The following PRSS12 variants were observed in gnomAD, a reference collection of about 807,000 sequenced individuals.
The protein encoded by PRSS12 is neurotrypsin.
Under a neutral mutation model 104.4 loss-of-function variants are expected in PRSS12, and 85 were observed. The observed-to-expected ratio is 0.81, with a 90% CI of 0.68 to 0.98. The LOEUF (loss-of-function observed/expected upper bound fraction) is 0.98, where lower values mean the gene tolerates loss of function less well. Among genes scored for constraint, PRSS12 ranks in the 50% least tolerant of loss-of-function variants. PRSS12 has a pLI of 0.00. For synonymous variants in PRSS12, 454 were observed against 425.2 expected, an observed-to-expected ratio of 1.07 and a Z score of -0.83; for missense variants, 1,141 against 1,139.2, an observed-to-expected ratio of 1.00 and a Z score of -0.02.
At position 118,280,707 on chromosome 4, in the gene PRSS12, G is replaced by T; in HGVS notation, c.*1229C>A. 1 of 152,250 alleles carries T rather than the reference G, an allele frequency of 6.6e-6. No individual in the cohort carries two copies. The highest frequency in any genetic ancestry group is 1.5e-5 in the Non-Finnish European group (1 of 68,048). The allele number at this position is 152,250 out of a possible 1,614,324, so 9.4% of individuals were successfully genotyped here. The stretch of plus-strand genomic sequence containing the variant: ...TGAGCATTACTGCTAAGAATGTTCT[G>T]TAAAGGTGCATAGTTAAGCAGCTAT... On this transcript the variant is annotated 3_prime_UTR_variant, in exon 13 of 13. Coordinates refer to ENST00000296498, the MANE Select transcript of PRSS12 (RefSeq NM_003619.4).
At chr4:118,316,837 A>AAAAAAAAATATATATATATAT (rs35698159) in intron 5 of PRSS12, among the ~76,000 whole-genome samples, 1 of 99,194 alleles carries the variant, frequency 1.0e-5, no homozygotes, top group African/African-American at 3.5e-5. Context: ...AAAAAAAAAA[A>AAAAAAAAATATATATATATAT]ATATATATAT....
At position 118,280,382 on chromosome 4, in the gene PRSS12, C is replaced by T. The variant is rs1394841505; in HGVS notation, c.*1554G>A. 6.6e-6 allele frequency: 1 copy of T among 151,916 alleles called. No individual in the cohort carries two copies. The highest frequency in any genetic ancestry group is 1.5e-5 in the Non-Finnish European group (1 of 67,910). The allele number at this position is 151,916 out of a possible 1,614,324, so 9.4% of individuals were successfully genotyped here. A position where few individuals can be genotyped will look rare whatever the true frequency, so the allele number is the denominator to read the frequency against. ...TATAAACGCTACTTTAAAAGTTTAT[C>T]AAAATCATGAGTTTTTACAAAAGTT... On this transcript the variant is annotated 3_prime_UTR_variant, in exon 13 of 13. Transcript: ENST00000296498.
In PRSS12 at chr4:118,352,594, A is replaced by G. The variant is rs760028870; in HGVS notation, c.127T>C (p.Tyr43His). 1.2e-6 allele frequency: 2 copies of G among 1,604,592 alleles called. No homozygotes were observed. The highest frequency in any genetic ancestry group is 2.2e-5 in the South Asian group (2 of 89,390). ...HRHSPPAGPH[Y>H]PYYLPTQQRP... is the part of the protein sequence containing the mutation. The stretch of plus-strand genomic sequence containing the variant: ...TGCTGGGTGGGAAGGTAATAGGGGT[A>G]GTGCGGACCCGCAGGGGGCGAATGG... Residue 43 changes from tyrosine to histidine, a missense_variant, in exon 1 of 13, where the codon TAC becomes CAC. Coordinates refer to ENST00000296498, the MANE Select transcript of PRSS12 (RefSeq NM_003619.4).
intron 11 of PRSS12, among the ~76,000 whole-genome samples, chr4:118,293,200 T>C (rs1173683074): frequency 6.6e-6 from 1 of 151,884 alleles, no homozygotes; most frequent in East Asian, 1.9e-4. Context: ...AAGACTAGAA[T>C]ATTTAATAAA....
chr4:118,338,270 C>T lies in PRSS12; in HGVS notation c.547G>A (p.Val183Met). 6.2e-7 allele frequency: 1 copy of T among 1,614,076 alleles called. No homozygotes were observed. The highest frequency in any genetic ancestry group is 8.5e-7 in the Non-Finnish European group (1 of 1,179,964). The change falls in exon 2 of 13, where the codon GTG (valine) becomes ATG (methionine). Residue 183 changes from valine (V) to methionine (M), a missense_variant. By Grantham distance (21) the Val-to-Met change is conservative. Coordinates refer to ENST00000296498, the MANE Select transcript of PRSS12 (RefSeq NM_003619.4). ...RGGKNEFEGT[V>M]EVYASGVWGT... ...CAAACTCCACTTGCATATACTTCCACTGTGCCTTCAAACTCATTTTTGCCG... is the reference window on the plus strand; with the variant it reads ...CAAACTCCACTTGCATATACTTCCATTGTGCCTTCAAACTCATTTTTGCCG...
rs1394484461 is a variant in PRSS12, at chr4:118,298,821, A to T, written c.1749T>A (p.Asp583Glu). 2 of 1,614,178 alleles carry T rather than the reference A, an allele frequency of 1.2e-6. No homozygotes were observed. The highest frequency in any genetic ancestry group is 1.1e-5 in the South Asian group (1 of 91,086). ...TGTGGCGGCAGTTGTGTCTTCCAATATCTTGCTTGATACAGTCAGCCAAGG... is the reference window on the plus strand; with the variant it reads ...TGTGGCGGCAGTTGTGTCTTCCAATTTCTTGCTTGATACAGTCAGCCAAGG... ...ERSLADCIKQDIGRHNCRHSE... is the reference protein window; with the variant it reads ...ERSLADCIKQEIGRHNCRHSE... Residue 583 changes from aspartate (D) to glutamate (E), a missense_variant, in exon 9 of 13, where the codon GAT becomes GAA. Asp to Glu is a conservative substitution (Grantham distance 45). Transcript: ENST00000296498.
At chr4:118,329,151 A>C (rs1723858130) in intron 4 of PRSS12, among the ~76,000 whole-genome samples, 1 of 152,142 alleles carries the variant, frequency 6.6e-6, no homozygotes, top group African/African-American at 2.4e-5. Flanking sequence ...GCTAGTCTTC[A>C]ACCTATCCTC....
chr4:118,286,900 T>G (rs527349033), intron 11 of PRSS12, among the ~76,000 whole-genome samples: 1 of 152,206 alleles, frequency 6.6e-6, no homozygotes, highest in South Asian at 2.1e-4. Flanking sequence ...CTGGATGAAG[T>G]AAGCATCCTA....
chr4:118,347,098 A>T (rs950557557), intron 1 of PRSS12, among the ~76,000 whole-genome samples: 1 of 152,130 alleles, frequency 6.6e-6, no homozygotes, highest in Non-Finnish European at 1.5e-5. Flanking sequence ...AAATATGCAC[A>T]CTAGTTAAGA....
intron 1 of PRSS12, among the ~76,000 whole-genome samples, chr4:118,349,840 T>A (rs1168455914): frequency 6.6e-6 from 1 of 151,864 alleles, no homozygotes. Flanking sequence ...CCATCTCTAC[T>A]AAAAATACAA....
chr4:118,320,556 A>C (rs1007278407), intron 4 of PRSS12, among the ~76,000 whole-genome samples: 1 of 152,162 alleles, frequency 6.6e-6, no homozygotes, highest in African/African-American at 2.4e-5. Context: ...GTTTGAGATC[A>C]ACCTGGGCAA....
At chr4:118,349,450 TAA>T (rs1724438209) in intron 1 of PRSS12, among the ~76,000 whole-genome samples, 1 of 151,324 alleles carries the variant, frequency 6.6e-6, no homozygotes, top group Admixed American at 6.6e-5. Flanking sequence ...CTTTTAAGCA[TAA>T]GAGACTGTAA....
At chr4:118,346,977 G>A (rs566546036) in intron 1 of PRSS12, among the ~76,000 whole-genome samples, 246 of 150,292 alleles carry the variant, frequency 1.6e-3, no homozygotes, top group Non-Finnish European at 2.8e-3. Context: ...ATGCACACAT[G>A]CACACACACA....
chr4:118,290,261 C>T (rs1292684944), intron 11 of PRSS12, among the ~76,000 whole-genome samples: 1 of 152,082 alleles, frequency 6.6e-6, no homozygotes, highest in Non-Finnish European at 1.5e-5. Flanking sequence ...TCCAGGGAAC[C>T]CAAAAGTTAA....
chr4:118,288,445 CA>C (rs1400661555), intron 11 of PRSS12, among the ~76,000 whole-genome samples: 1 of 152,154 alleles, frequency 6.6e-6, no homozygotes, highest in Non-Finnish European at 1.5e-5. Context: ...AAGTAAGTCC[CA>C]TTACCTCTGT....
rs1459844456 is a variant in PRSS12 at position 118,294,878 on chromosome 4, G to A, written c.2039+61C>T. The A allele has an allele frequency of 1.5e-5, 24 of 1,605,384 alleles. No individual in the cohort carries two copies. The East Asian group carries it at 2.5e-4, about 16-fold the overall frequency. On this transcript the variant is annotated intron_variant, in intron 11 of 12. Coordinates refer to ENST00000296498, the MANE Select transcript of PRSS12 (RefSeq NM_003619.4). ...CACCTTGAGTGCTGTAGAGCATGAGGGGATTGGAAGAACTGATGAATAGAA... is the reference window on the plus strand; with the variant it reads ...CACCTTGAGTGCTGTAGAGCATGAGAGGATTGGAAGAACTGATGAATAGAA...
chr4:118,331,820 A>G lies in PRSS12; in HGVS notation c.867T>C (p.His289=), dbSNP rs1432178204. 4 of 1,614,098 alleles carry G rather than the reference A, an allele frequency of 2.5e-6. No homozygotes were observed. The highest frequency in any genetic ancestry group is 3.4e-6 in the Non-Finnish European group (4 of 1,180,048). ...IIRLAGGSSV[H]EGRVELYHAG... is the part of the protein sequence containing the mutation. Reference sequence around the variant, plus strand: ...CATGGTAGAGCTCCACCCGGCCTTCATGCACACTGCTGCCTCCAGCAAGGC... The same window carrying G: ...CATGGTAGAGCTCCACCCGGCCTTCGTGCACACTGCTGCCTCCAGCAAGGC... Residue 289 remains histidine (H), a synonymous_variant, in exon 4 of 13, where the codon CAT becomes CAC. Transcript: ENST00000296498.
chr4:118,304,151 T>C (rs1393489535), intron 8 of PRSS12, among the ~76,000 whole-genome samples: 2 of 151,908 alleles, frequency 1.3e-5, no homozygotes. Context: ...TCTGTATATA[T>C]GCATACATGT....
intron 11 of PRSS12, among the ~76,000 whole-genome samples, chr4:118,284,022 G>T (rs1163092273): frequency 6.6e-6 from 1 of 152,120 alleles, no homozygotes; most frequent in East Asian, 1.9e-4. Context: ...TTTACCAGAT[G>T]GATAGTTCTC....
Sources: allele counts gnomAD v4.1 joint callset (sites outside exome capture counted in the v4.1 genomes callset), GRCh38; gene constraint gnomAD v4.1.1; transcripts MANE v1.5; gene names NCBI Gene and HGNC (gene_info 2026-07-23, HGNC 2026-07-21).